SCARA5: variants seen among roughly 807,000 people sequenced by gnomAD.
SCARA5 encodes scavenger receptor class A, member 5 (putative).
SCARA5 carries 45 observed loss-of-function variants against 46.3 expected under a neutral mutation model. The observed-to-expected ratio is 0.97, with a 90% CI of 0.76 to 1.24. SCARA5 has a LOEUF of 1.24. SCARA5 is among the 50% of genes most tolerant of loss of function. SCARA5 has a pLI of 0.00. For missense variants in SCARA5, 680 were observed against 689.0 expected (o/e 0.99, Z 0.15); for synonymous variants, 333 against 306.5 (o/e 1.09, Z -0.90).
chr8:27,916,029 C>T (rs1292045425), intron 4 of SCARA5, among the ~76,000 whole-genome samples: 4 of 152,190 alleles, frequency 2.6e-5, no homozygotes, highest in Admixed American at 6.5e-5. Flanking sequence ...AAGTTCTCTG[C>T]TTCTTTCAAA....
intron 2 of SCARA5, among the ~76,000 whole-genome samples, chr8:27,976,924 G>A (rs1052153889): frequency 3.3e-5 from 5 of 152,214 alleles, no homozygotes; most frequent in Admixed American, 2.6e-4. Context: ...CAGCAGGATC[G>A]CTTGAGCCCT....
intron 7 of SCARA5, among the ~76,000 whole-genome samples, chr8:27,899,081 A>G (rs1807110174): frequency 6.6e-6 from 1 of 152,174 alleles, no homozygotes; most frequent in African/African-American, 2.4e-5. Flanking sequence ...CTAGCAAATA[A>G]TCAAACCCAC....
intron 7 of SCARA5, among the ~76,000 whole-genome samples, chr8:27,901,413 CG>C (rs1161968197): frequency 1.3e-5 from 2 of 152,094 alleles, no homozygotes; most frequent in Non-Finnish European, 2.9e-5. Context: ...GTGCTGCAAA[CG>C]CTTTTTTCCC....
intron 2 of SCARA5, among the ~76,000 whole-genome samples, chr8:27,980,956 T>A (rs60729173): frequency 0.012 from 1,879 of 152,216 alleles, 37 homozygotes; most frequent in African/African-American, 0.043. Flanking sequence ...CATAGGTGTT[T>A]CCTGGGAGTC....
At chr8:27,956,856 C>T (rs1381972016) in intron 3 of SCARA5, among the ~76,000 whole-genome samples, 3 of 152,130 alleles carry the variant, frequency 2.0e-5, no homozygotes, top group Non-Finnish European at 2.9e-5. Context: ...AAGCCTTGGG[C>T]GAGGTCAGCC....
At chr8:27,967,567 C>T (rs1424389408) in intron 2 of SCARA5, among the ~76,000 whole-genome samples, 5 of 152,176 alleles carry the variant, frequency 3.3e-5, no homozygotes, top group African/African-American at 1.2e-4. Flanking sequence ...AATGCTTGTT[C>T]CTTACCCCCT....
At chr8:27,893,244 G>T (rs527743793) in intron 7 of SCARA5, among the ~76,000 whole-genome samples, 2 of 152,142 alleles carry the variant, frequency 1.3e-5, no homozygotes, top group Admixed American at 6.5e-5. Flanking sequence ...CAGGGCATCC[G>T]TGAGGCAGAA....
At chr8:27,990,869 C>G (rs758857579) in intron 1 of SCARA5, among the ~76,000 whole-genome samples, 4 of 152,250 alleles carry the variant, frequency 2.6e-5, no homozygotes, top group Non-Finnish European at 5.9e-5. Context: ...AGGTCTTGCT[C>G]TAACAGGGAG....
At chr8:27,909,877 C>T (rs971188273) in intron 4 of SCARA5, 134 bp from the exon 5 acceptor site, 30 of 574,308 alleles carry the variant, frequency 5.2e-5, no homozygotes, top group Non-Finnish European at 9.2e-5. Flanking sequence ...CACAGGAAAC[C>T]CCCAGCCCAG....
intron 7 of SCARA5, among the ~76,000 whole-genome samples, chr8:27,893,395 A>G (rs7841376): frequency 1.3e-3 from 194 of 152,248 alleles, no homozygotes; most frequent in African/African-American, 4.2e-3. Context: ...GACCTTAGAA[A>G]TCTACTATGT....
chr8:27,893,463 T>A (rs1417384709), intron 7 of SCARA5, among the ~76,000 whole-genome samples: 1 of 152,252 alleles, frequency 6.6e-6, no homozygotes, highest in South Asian at 2.1e-4. Flanking sequence ...TAAATATATA[T>A]GTCAGACAAG....
At chr8:27,928,607 A>G (rs988922034) in intron 3 of SCARA5, among the ~76,000 whole-genome samples, 1 of 152,162 alleles carries the variant, frequency 6.6e-6, no homozygotes, top group African/African-American at 2.4e-5. Context: ...AAACTGCTGA[A>G]AGGGTGGACA....
intron 7 of SCARA5, among the ~76,000 whole-genome samples, chr8:27,884,354 G>A (rs752153398): frequency 3.0e-4 from 46 of 152,214 alleles, no homozygotes; most frequent in Non-Finnish European, 5.7e-4. Context: ...GAAACTCCCC[G>A]GGAGCAGTAA....
At chr8:27,970,609 T>C (rs1046792127) in intron 2 of SCARA5, among the ~76,000 whole-genome samples, 1 of 152,220 alleles carries the variant, frequency 6.6e-6, no homozygotes, top group African/African-American at 2.4e-5. Context: ...ACACTGCCTA[T>C]GGGGTAGCCC....
chr8:27,989,266 G>C (rs1348305653), intron 1 of SCARA5, among the ~76,000 whole-genome samples: 1 of 151,182 alleles, frequency 6.6e-6, no homozygotes, highest in Non-Finnish European at 1.5e-5. Context: ...CTCCTGAGTA[G>C]CTGGGATTAC....
chr8:27,957,786 T>A (rs1808228804), intron 3 of SCARA5, among the ~76,000 whole-genome samples: 1 of 152,222 alleles, frequency 6.6e-6, no homozygotes, highest in Non-Finnish European at 1.5e-5. Flanking sequence ...GATGACACAA[T>A]GTATGCAAAA....
At chr8:27,895,503 TTC>T (rs1807049470) in intron 7 of SCARA5, among the ~76,000 whole-genome samples, 1 of 152,240 alleles carries the variant, frequency 6.6e-6, no homozygotes, top group Non-Finnish European at 1.5e-5. Flanking sequence ...TCTTAATACG[TTC>T]CTTTACAACT....
chr8:27,911,257 C>A (rs576831134), intron 4 of SCARA5, among the ~76,000 whole-genome samples: 1 of 152,232 alleles, frequency 6.6e-6, no homozygotes, highest in East Asian at 1.9e-4. Context: ...CCTGCCTTGT[C>A]CTCTTGTCAT....
At chr8:27,921,438 G>A in intron 4 of SCARA5, 133 bp downstream of exon 4, 1 of 691,068 alleles carries the variant, frequency 1.4e-6, no homozygotes, top group Non-Finnish European at 2.2e-6. Flanking sequence ...TAGAGAGTAT[G>A]GGGCTGGGAA....
Sources: gnomAD v4.1 joint callset for allele counts (sites outside exome capture counted in the v4.1 genomes callset) on GRCh38, gnomAD v4.1.1 for gene constraint, MANE v1.5 for transcripts, NCBI Gene and HGNC (gene_info 2026-07-23, HGNC 2026-07-21) for gene names.